The following SVIL variants were observed in gnomAD, a reference collection of about 807,000 sequenced individuals.
SVIL encodes the protein supervillin, also known as archvillin.
SVIL carries 101 observed loss-of-function variants against 240.4 expected under a neutral mutation model. The ratio of observed to expected loss-of-function variants is 0.42; its 90% CI spans 0.36 to 0.50. SVIL has a LOEUF of 0.50. Ranked by LOEUF, SVIL falls within the 20% of genes least tolerant of loss-of-function variation. SVIL has a pLI of 0.01. For synonymous variants in SVIL, 999 were observed against 1,100.0 expected, an observed-to-expected ratio of 0.91 and a Z score of 1.82; for missense variants, 2,512 against 2,818.7, an observed-to-expected ratio of 0.89 and a Z score of 2.46.
chr10:29,498,494 A>T (rs192917423), intron 18 of SVIL, among the ~76,000 whole-genome samples: 2 of 152,314 alleles, frequency 1.3e-5, no homozygotes, highest in East Asian at 3.9e-4. Context: ...CTACACTTGC[A>T]CTCAATTCCA....
intron 2 of SVIL, among the ~76,000 whole-genome samples, chr10:29,564,545 G>A (rs1260696660): frequency 6.6e-6 from 1 of 152,140 alleles, no homozygotes; most frequent in Non-Finnish European, 1.5e-5. Flanking sequence ...CTGTTCGGGT[G>A]CATTTCCATA....
intron 16 of SVIL, among the ~76,000 whole-genome samples, chr10:29,513,198 C>T (rs574973049): frequency 8.5e-5 from 13 of 152,290 alleles, no homozygotes; most frequent in African/African-American, 2.4e-4. Context: ...TGTCTTTTAG[C>T]GACGCCTTCT....
chr10:29,700,638 T>C (rs985488098), intron 1 of SVIL, among the ~76,000 whole-genome samples: 1 of 151,760 alleles, frequency 6.6e-6, no homozygotes, highest in Admixed American at 6.6e-5. Context: ...ACCCGACTAG[T>C]TTTTTGTATT....
rs759299596 is a variant in SVIL at position 29,550,618 on chromosome 10, A to T, written c.806T>A (p.Leu269Gln). 1.2e-6 allele frequency: 2 copies of T among 1,612,300 alleles called. No individual in the cohort carries two copies. Among genetic ancestry groups the T allele is most frequent in the Non-Finnish European group, 1.7e-6 (2 of 1,179,226 alleles). Reference protein sequence around the residue: ...SRSPSFGDPQLSPEARPSTGK... With the variant: ...SRSPSFGDPQQSPEARPSTGK... ...TTACCTGGGTCGGGCCTCAGGGGATAGCTGTGGGTCACCAAAGGAGGGGCT... is the reference window on the plus strand; with the variant it reads ...TTACCTGGGTCGGGCCTCAGGGGATTGCTGTGGGTCACCAAAGGAGGGGCT... Residue 269 changes from leucine (L) to glutamine (Q), a missense_variant, in exon 6 of 38, where the codon CTA becomes CAA. Physicochemically the swap from Leu to Gln is moderately radical, Grantham distance 113. Around this residue, in one of 3 missense-constraint regions of SVIL, gnomAD observed 1,443 missense variants for 1,486.6 expected, o/e 0.97. Transcript: ENST00000355867.
intron 2 of SVIL, 150 bp from the exon 3 acceptor site, chr10:29,563,442 T>A (rs1954691034): frequency 5.4e-6 from 1 of 185,282 alleles, no homozygotes; most frequent in Non-Finnish European, 1.0e-5. Flanking sequence ...GGGGAGTAAA[T>A]TGGTAACTTT....
chr10:29,735,811 G>T (rs575713553), upstream of SVIL: 3 of 151,366 alleles, frequency 2.0e-5, no homozygotes, highest in African/African-American at 4.8e-5. This position sits in a 1 kb window ranked among gnomAD's most constrained non-coding sequence, Gnocchi z 4.1. Context: ...ACAGCGGCTC[G>T]GCGGCCCCGA....
At chr10:29,598,628 T>C (rs925860593) in intron 1 of SVIL, among the ~76,000 whole-genome samples, 1 of 152,210 alleles carries the variant, frequency 6.6e-6, no homozygotes, top group Admixed American at 6.5e-5. Context: ...CCCTCTGCCA[T>C]CTCTAGTTTC....
intron 1 of SVIL, among the ~76,000 whole-genome samples, chr10:29,582,639 T>G (rs1955994697): frequency 6.6e-6 from 1 of 151,750 alleles, no homozygotes; most frequent in African/African-American, 2.4e-5. Context: ...GGCTGAGAAG[T>G]GAGGATTACT....
chr10:29,703,114 A>G (rs11007703), intron 1 of SVIL, among the ~76,000 whole-genome samples: 33,200 of 152,144 alleles, frequency 0.22, 3,989 homozygotes, highest in African/African-American at 0.28. Flanking sequence ...TTTAATAGAG[A>G]AAAAAGAGAG....
intron 33 of SVIL, 138 bp from the exon 34 acceptor site, chr10:29,465,888 G>C: frequency 8.9e-7 from 1 of 1,118,902 alleles, no homozygotes; most frequent in Non-Finnish European, 1.3e-6. Flanking sequence ...TCAAGGTGGA[G>C]AAAGCCTTTT....
chr10:29,532,630 T>C lies in SVIL; in HGVS notation c.1737A>G (p.Glu579=), dbSNP rs1300271311. The C allele has an allele frequency of 6.2e-7, 1 of 1,614,102 alleles. No homozygotes were observed. The highest frequency in any genetic ancestry group is 8.5e-7 in the Non-Finnish European group (1 of 1,179,942). The change falls in exon 8 of 38, where the codon GAA becomes GAG. Residue 579 remains glutamate (E), a synonymous_variant. Coordinates refer to ENST00000355867, the MANE Select transcript of SVIL (RefSeq NM_021738.3). ...RELELPSSKT[E]GPYGEISMLD... ...GCATGCTGATCTCCCCATAAGGCCC[T>C]TCGGTCTTGGAGCTGGGCAGCTCCA...
chr10:29,545,135 C>G (rs1170915763), intron 6 of SVIL: 1 of 531,888 alleles, frequency 1.9e-6, no homozygotes, highest in Non-Finnish European at 3.9e-6. Context: ...AAACAGACCA[C>G]TGAGCCAAGA....
chr10:29,615,315 T>C (rs185298202), intron 1 of SVIL, among the ~76,000 whole-genome samples: 56 of 152,340 alleles, frequency 3.7e-4, no homozygotes, highest in Non-Finnish European at 3.5e-4. Context: ...ATCCTACTTC[T>C]CCCAGCTGTT....
In SVIL at chr10:29,532,575, G is replaced by A; in HGVS notation, c.1792C>T (p.Arg598Ter). 2 of 1,613,306 alleles carry A rather than the reference G, an allele frequency of 1.2e-6. No homozygotes were observed. The highest frequency in any genetic ancestry group is 1.7e-6 in the Non-Finnish European group (2 of 1,179,294). ...TTGGCAGATGCCAGGAACGCACTTC[G>A]GAGCTGGGCGACAGAGACTTTTGTG... ...LDTKVSVAQL[R>*]SAFLASANAC... Residue 598 changes from arginine (R) to a stop codon, truncating the protein, a stop_gained, in exon 8 of 38, where the codon CGA becomes TGA. Coordinates refer to ENST00000355867, the MANE Select transcript of SVIL (RefSeq NM_021738.3). LOFTEE classifies it high-confidence loss of function.
At chr10:29,498,323 C>T (rs994937963) in intron 18 of SVIL, among the ~76,000 whole-genome samples, 5 of 151,760 alleles carry the variant, frequency 3.3e-5, no homozygotes, top group Admixed American at 6.6e-5. Context: ...GGGGCTGAGG[C>T]GAGAGAATTG....
chr10:29,687,687 AC>A (rs1452518247), intron 1 of SVIL, among the ~76,000 whole-genome samples: 5 of 152,160 alleles, frequency 3.3e-5, no homozygotes, highest in African/African-American at 9.7e-5. Flanking sequence ...AAACAAACAA[AC>A]AAAAACCCCG....
intron 17 of SVIL, 100 bp downstream of exon 17, chr10:29,512,635 G>A (rs1949919740): frequency 1.3e-6 from 2 of 1,597,656 alleles, no homozygotes; most frequent in Admixed American, 3.3e-5. Flanking sequence ...ATGCACAAAT[G>A]CTTCACAGAG....
At chr10:29,481,133 GGTGTGTGT>G (rs57479630) in intron 28 of SVIL, among the ~76,000 whole-genome samples, 3 of 141,400 alleles carry the variant, frequency 2.1e-5, no homozygotes, top group East Asian at 2.1e-4. Context: ...TAGCTTTAAG[GGTGTGTGT>G]GTGTGTGTGT....
intron 1 of SVIL, among the ~76,000 whole-genome samples, chr10:29,708,419 A>G (rs1453797951): frequency 3.3e-5 from 5 of 151,492 alleles, no homozygotes; most frequent in African/African-American, 7.3e-5. Flanking sequence ...TCAGGAGTTC[A>G]AGACCAGCCT....
Sources: gnomAD v4.1 joint callset for allele counts (sites outside exome capture counted in the v4.1 genomes callset) on GRCh38, gnomAD v4.1.1 for gene constraint, gnomAD v4.1.1 regional missense constraint, Gnocchi (gnomAD v3.1) non-coding constraint, MANE v1.5 for transcripts, NCBI Gene and HGNC (gene_info 2026-07-23, HGNC 2026-07-21) for gene names.